The following PTPRN2 variants were observed in gnomAD, a reference collection of about 807,000 sequenced individuals.
The protein encoded by PTPRN2 is receptor-type tyrosine-protein phosphatase N2.
Under a neutral mutation model 118.8 loss-of-function variants are expected in PTPRN2, and 74 were observed. The ratio of observed to expected loss-of-function variants is 0.62; its 90% CI spans 0.52 to 0.76. The LOEUF is 0.76. Ranked by LOEUF, PTPRN2 falls within the 30% of genes least tolerant of loss-of-function variation. The pLI is 0.00. For missense variants in PTPRN2, 1,481 were observed against 1,394.4 expected, an observed-to-expected ratio of 1.06 and a Z score of -0.99; for synonymous variants, 641 against 608.0, an observed-to-expected ratio of 1.05 and a Z score of -0.80.
chr7:157,895,582 C>T (rs896172984), intron 12 of PTPRN2, among the ~76,000 whole-genome samples: 4 of 151,970 alleles, frequency 2.6e-5, no homozygotes, highest in Non-Finnish European at 5.9e-5. Context: ...ATACAGTAAC[C>T]AAGAGAAAAG....
rs1250550734 is a variant in PTPRN2 at position 158,130,563 on chromosome 7, TCA to T, written c.1556+3112_1556+3113del. Among the ~76,000 whole-genome samples, 27 of 139,260 alleles carry T rather than the reference TCA, an allele frequency of 1.9e-4. 1 individual carries two copies. Among genetic ancestry groups the T allele is most frequent in the Admixed American group, 1.9e-3 (26 of 14,046 alleles). 91.4% of individuals were successfully genotyped at this position (139,260 alleles called of 152,430 possible). On this transcript the variant is annotated intron_variant, in intron 9 of 22. Coordinates refer to ENST00000389418, the MANE Select transcript of PTPRN2 (RefSeq NM_002847.5). Reference sequence around the variant, plus strand: ...ATACACACATCTACCCCACATACACTCATATACACACATGCACATATGCACAA... The same window carrying T: ...ATACACACATCTACCCCACATACACTTATACACACATGCACATATGCACAA...
chr7:157,984,570 G>GT (rs1357639611), intron 11 of PTPRN2, among the ~76,000 whole-genome samples: 1 of 151,826 alleles, frequency 6.6e-6, no homozygotes, highest in Non-Finnish European at 1.5e-5. Context: ...CCTGTGAGTG[G>GT]TGAGTGATGG....
intron 17 of PTPRN2, among the ~76,000 whole-genome samples, chr7:157,588,317 G>T (rs904829775): frequency 6.6e-6 from 1 of 152,228 alleles, no homozygotes; most frequent in South Asian, 2.1e-4. Flanking sequence ...GTAGCACAGG[G>T]TGTGGTAGAA....
intron 12 of PTPRN2, among the ~76,000 whole-genome samples, chr7:157,747,392 T>G (rs1340972234): frequency 4.3e-5 from 4 of 92,988 alleles, no homozygotes; most frequent in African/African-American, 1.8e-4. Context: ...TGTGGGCTGT[T>G]GAGGTGATTC....
chr7:157,677,436 A>T (rs1420893995), intron 13 of PTPRN2, among the ~76,000 whole-genome samples: 1 of 152,154 alleles, frequency 6.6e-6, no homozygotes, highest in Non-Finnish European at 1.5e-5. Flanking sequence ...TCGAGACTTC[A>T]TTGTTCTCTG....
intron 2 of PTPRN2, among the ~76,000 whole-genome samples, chr7:158,319,409 CACA>C (rs1802633068): frequency 1.9e-5 from 1 of 54,012 alleles, no homozygotes; most frequent in Admixed American, 1.6e-4. Context: ...CACACACACA[CACA>C]GCCTCCCACA....
At chr7:158,391,735 C>T (rs975849244) in intron 2 of PTPRN2, among the ~76,000 whole-genome samples, 2 of 152,156 alleles carry the variant, frequency 1.3e-5, no homozygotes, top group Non-Finnish European at 2.9e-5. Flanking sequence ...GCCCTGCAGC[C>T]CTGGGGATGG....
intron 3 of PTPRN2, among the ~76,000 whole-genome samples, chr7:158,231,503 T>C (rs891701801): frequency 3.9e-5 from 6 of 152,206 alleles, no homozygotes; most frequent in Non-Finnish European, 5.9e-5. Flanking sequence ...AAGGAAGAGA[T>C]AGCCCGCAAT....
At chr7:157,817,109 C>T (rs978126163) in intron 12 of PTPRN2, among the ~76,000 whole-genome samples, 7 of 152,288 alleles carry the variant, frequency 4.6e-5, no homozygotes, top group East Asian at 1.9e-4. Flanking sequence ...CGCTGTGTTC[C>T]GGGGGCGCCG....
chr7:158,560,055 A>T (rs528144879), intron 1 of PTPRN2, among the ~76,000 whole-genome samples: 1 of 152,286 alleles, frequency 6.6e-6, no homozygotes, highest in East Asian at 1.9e-4. Context: ...TGTGAACTTG[A>T]TGATTCTAAC....
At position 158,072,099 on chromosome 7, in the gene PTPRN2, T is replaced by TG. The variant is rs1491126879; in HGVS notation, c.1723+9198_1723+9199insC. Among the ~76,000 whole-genome samples, 607 of 122,214 alleles carry TG rather than the reference T, an allele frequency of 5.0e-3. 6 individuals are homozygous for TG. Among genetic ancestry groups the TG allele is most frequent in the Middle Eastern group, 0.026 (5 of 196 alleles). The allele number at this position is 122,214 out of a possible 152,430, so 80.2% of individuals were successfully genotyped here. A position where few individuals can be genotyped will look rare whatever the true frequency, so the allele number is the denominator to read the frequency against. On this transcript the variant is annotated intron_variant, in intron 11 of 22. Transcript: ENST00000389418. ...CTCGTGGTGGTGGAGGTGCTCGTAG[T>TG]ATGGAGGTGCTCATGGTGGTGGAGG...
chr7:157,753,780 C>T (rs57456690), intron 12 of PTPRN2, among the ~76,000 whole-genome samples: 9,351 of 152,232 alleles, frequency 0.061, 382 homozygotes, highest in African/African-American at 0.11. Flanking sequence ...TGCATGGCTG[C>T]AGGTCCCTGC....
chr7:157,891,838 G>T (rs2151306836), intron 12 of PTPRN2, among the ~76,000 whole-genome samples: 1 of 152,254 alleles, frequency 6.6e-6, no homozygotes, highest in African/African-American at 2.4e-5. Context: ...ATAACCATCT[G>T]AAGACCTCTG....
chr7:157,838,418 C>T lies in PTPRN2; in HGVS notation c.1788+60255G>A, dbSNP rs1253189422. On this transcript the variant is annotated intron_variant, in intron 12 of 22. Transcript: ENST00000389418. ...CCAGTTCCTCTCATAGTGGATGGCACGGGAGAAAGCTCCTCTCCACCGTGG... is the reference window on the plus strand; with the variant it reads ...CCAGTTCCTCTCATAGTGGATGGCATGGGAGAAAGCTCCTCTCCACCGTGG... Among the ~76,000 whole-genome samples the T allele has an allele frequency of 1.6e-4, 20 of 124,798 alleles. No individual in the cohort carries two copies. In the South Asian group the frequency reaches 1.7e-3, roughly 10 times the overall value. 81.9% of individuals were successfully genotyped at this position (124,798 alleles called of 152,430 possible). A position where few individuals can be genotyped will look rare whatever the true frequency, so the allele number is the denominator to read the frequency against.
intron 12 of PTPRN2, among the ~76,000 whole-genome samples, chr7:157,696,180 G>A (rs1303275961): frequency 1.8e-4 from 26 of 145,690 alleles, no homozygotes; most frequent in African/African-American, 6.2e-4. Flanking sequence ...TCTTGGGAGA[G>A]CCCTCACCAT....
In PTPRN2 at chr7:157,711,372, G is replaced by C. The variant is rs35494391; in HGVS notation, c.1789-28435C>G. ...ACGCGCCAGAGGTTCCGGGGCAGCC[G>C]GGTTACACGCGAGAGCCCCACGCGC... On this transcript the variant is annotated intron_variant, in intron 12 of 22. Transcript: ENST00000389418. 2.0e-3 allele frequency among the ~76,000 whole-genome samples: 119 copies of C among 60,194 alleles called. 1 individual carries two copies. The highest frequency in any genetic ancestry group is 4.7e-3 in the South Asian group (5 of 1,054). 39.5% of individuals were successfully genotyped at this position (60,194 alleles called of 152,430 possible).
intron 2 of PTPRN2, among the ~76,000 whole-genome samples, chr7:158,481,446 A>C (rs1438095060): frequency 1.3e-5 from 2 of 152,206 alleles, no homozygotes; most frequent in African/African-American, 4.8e-5. Flanking sequence ...GGGATCAAAA[A>C]ATAATTTCCA....
chr7:157,768,917 A>T (rs1802639009), intron 12 of PTPRN2, among the ~76,000 whole-genome samples: 1 of 152,194 alleles, frequency 6.6e-6, no homozygotes, highest in African/African-American at 2.4e-5. Flanking sequence ...CGACACACAC[A>T]TCTCTGAGTC....
intron 12 of PTPRN2, among the ~76,000 whole-genome samples, chr7:157,866,829 C>T (rs1320413103): frequency 1.1e-5 from 1 of 91,928 alleles, no homozygotes; most frequent in Non-Finnish European, 2.2e-5. Flanking sequence ...TGGCCACCAC[C>T]GCCCCCCCCC....
Sources: allele counts gnomAD v4.1 joint callset (sites outside exome capture counted in the v4.1 genomes callset), GRCh38; gene constraint gnomAD v4.1.1; transcripts MANE v1.5; gene names NCBI Gene and HGNC (gene_info 2026-07-23, HGNC 2026-07-21).